The following PRKCZ variants were observed in gnomAD, a reference collection of about 807,000 sequenced individuals.
PRKCZ encodes the protein protein kinase C zeta type.
A neutral mutation model predicts 79.5 loss-of-function variants in PRKCZ; 33 were observed. The observed-to-expected ratio is 0.41, with a 90% CI of 0.31 to 0.55. PRKCZ has a LOEUF of 0.55. Among genes scored for constraint, PRKCZ ranks in the 20% least tolerant of loss-of-function variants. The pLI, the probability that PRKCZ is intolerant of heterozygous loss-of-function variation, is 0.19. For synonymous variants in PRKCZ, 342 were observed against 320.9 expected (o/e 1.07, Z -0.70); for missense variants, 578 against 813.5 (o/e 0.71, Z 3.52).
intron 1 of PRKCZ, among the ~76,000 whole-genome samples, chr1:2,054,795 T>C (rs1430894246): frequency 6.6e-6 from 1 of 152,096 alleles, no homozygotes; most frequent in African/African-American, 2.4e-5. Flanking sequence ...GTCACCCACA[T>C]TTGGGTGAAC....
intron 4 of PRKCZ, chr1:2,074,197 T>C: frequency 6.5e-7 from 1 of 1,550,294 alleles, no homozygotes; most frequent in Non-Finnish European, 8.7e-7. Flanking sequence ...GACAGATTTT[T>C]AGAAAAATAA....
At chr1:2,117,938 G>C (rs1671055601) in intron 4 of PRKCZ, among the ~76,000 whole-genome samples, 1 of 141,158 alleles carries the variant, frequency 7.1e-6, no homozygotes, top group Non-Finnish European at 1.5e-5. Context: ...GATTCAGTTT[G>C]CTATTATTTT....
At chr1:2,074,064 G>C in intron 4 of PRKCZ, 1 of 1,462,096 alleles carries the variant, frequency 6.8e-7, no homozygotes, top group Admixed American at 2.3e-5. Context: ...GCCGCTGCCT[G>C]TGCGCTGCAC....
In PRKCZ at chr1:2,179,273, G is replaced by C. The variant is rs907790370; in HGVS notation, c.1575+3960G>C. Among the ~76,000 whole-genome samples the C allele has an allele frequency of 3.9e-5, 6 of 152,246 alleles. No homozygotes were observed. The East Asian group carries it at 1.2e-3, about 29-fold the overall frequency. On this transcript the variant is annotated intron_variant, in intron 16 of 17. Coordinates refer to ENST00000378567, the MANE Select transcript of PRKCZ (RefSeq NM_002744.6). ...CTGTGGGAGCAAAGGCCGTGGGGAAGTTGCTGGGCCTGTCCCGGGTGAGCT... is the reference window on the plus strand; with the variant it reads ...CTGTGGGAGCAAAGGCCGTGGGGAACTTGCTGGGCCTGTCCCGGGTGAGCT...
At chr1:2,136,255 C>T (rs1215363553) in intron 5 of PRKCZ, among the ~76,000 whole-genome samples, 1 of 152,208 alleles carries the variant, frequency 6.6e-6, no homozygotes, top group Non-Finnish European at 1.5e-5. Flanking sequence ...CTCCTCCTGC[C>T]CCTGCGTGTG....
intron 4 of PRKCZ, among the ~76,000 whole-genome samples, chr1:2,081,134 A>G (rs1663426574): frequency 6.6e-6 from 1 of 152,228 alleles, no homozygotes; most frequent in Admixed American, 6.5e-5. Context: ...GTGAGGAGCT[A>G]CATACGTGAT....
At chr1:2,090,540 G>A (rs1270413162) in intron 4 of PRKCZ, among the ~76,000 whole-genome samples, 1 of 152,190 alleles carries the variant, frequency 6.6e-6, no homozygotes, top group African/African-American at 2.4e-5. Flanking sequence ...GGCCCCTAAA[G>A]TCTGCCCCGG....
At chr1:2,153,636 G>A (rs962471826) in intron 9 of PRKCZ, among the ~76,000 whole-genome samples, 4 of 152,226 alleles carry the variant, frequency 2.6e-5, no homozygotes, top group Admixed American at 1.3e-4. Context: ...GCTGGCCAGC[G>A]GCAGCACAGG....
chr1:2,052,592 A>C (rs900331833), intron 1 of PRKCZ, among the ~76,000 whole-genome samples: 4 of 150,376 alleles, frequency 2.7e-5, no homozygotes, highest in African/African-American at 9.8e-5. Context: ...CTCCCCTCCC[A>C]GGTCCTCCTC....
intron 4 of PRKCZ, among the ~76,000 whole-genome samples, chr1:2,086,850 A>C (rs1306645027): frequency 6.6e-6 from 1 of 152,206 alleles, no homozygotes; most frequent in Non-Finnish European, 1.5e-5. Context: ...ACACAGCTTC[A>C]GAGCCGCGGC....
chr1:2,169,310 C>T (rs1225891024), intron 10 of PRKCZ: 1 of 616,336 alleles, frequency 1.6e-6, no homozygotes, highest in Non-Finnish European at 3.1e-6. Flanking sequence ...CGCATGACTC[C>T]CTCACCTGCA....
rs915280249 is a variant in PRKCZ, at chr1:2,178,130, A to G, written c.1575+2817A>G. On this transcript the variant is annotated intron_variant, in intron 16 of 17. Coordinates refer to ENST00000378567, the MANE Select transcript of PRKCZ (RefSeq NM_002744.6). The surrounding 1 kb of genome is among the most constrained non-coding windows in gnomAD (Gnocchi z 4.3). ...GCCTGCAACTCAGTGGTTCTGAGCAATCCCAGAGTTACATGACGTCATCGC... is the reference window on the plus strand; with the variant it reads ...GCCTGCAACTCAGTGGTTCTGAGCAGTCCCAGAGTTACATGACGTCATCGC... Among the ~76,000 whole-genome samples the G allele has an allele frequency of 6.6e-6, 1 of 152,114 alleles. No homozygotes were observed. Among genetic ancestry groups the G allele is most frequent in the African/African-American group, 2.4e-5 (1 of 41,414 alleles).
In PRKCZ at chr1:2,165,584, T is replaced by C. The variant is rs1557718807; in HGVS notation, c.975-3934T>C. Among the ~76,000 whole-genome samples the C allele has an allele frequency of 6.6e-6, 1 of 152,228 alleles. No individual in the cohort carries two copies. The highest frequency in any genetic ancestry group is 1.5e-5 in the Non-Finnish European group (1 of 68,026). ...CTTAAAGGGTCAGGCAGTAAATATT[T>C]CCACCTTTGTGGGCCATGCGGCCTC... is the stretch of plus-strand genomic sequence containing the variant. On this transcript the variant is annotated intron_variant, in intron 10 of 17. Coordinates refer to ENST00000378567, the MANE Select transcript of PRKCZ (RefSeq NM_002744.6). This position sits in a 1 kb window ranked among gnomAD's most constrained non-coding sequence, Gnocchi z 4.1.
chr1:2,083,998 G>A (rs1310054831), intron 4 of PRKCZ, among the ~76,000 whole-genome samples: 5 of 152,120 alleles, frequency 3.3e-5, no homozygotes, highest in Admixed American at 6.5e-5. Flanking sequence ...TTGGGAGACC[G>A]AAGCGGGCAG....
chr1:2,068,435 C>G (rs1218142726), intron 4 of PRKCZ, among the ~76,000 whole-genome samples: 1 of 152,246 alleles, frequency 6.6e-6, no homozygotes, highest in Non-Finnish European at 1.5e-5. Flanking sequence ...TTGTAGACAT[C>G]ACTCCAGCCT....
rs1684992596 is a variant in PRKCZ at position 2,174,128 on chromosome 1, A to G, written c.1405+112A>G. On this transcript the variant is annotated intron_variant, in intron 14 of 17. Coordinates refer to ENST00000378567, the MANE Select transcript of PRKCZ (RefSeq NM_002744.6). This position sits in a 1 kb window ranked among gnomAD's most constrained non-coding sequence, Gnocchi z 6.2. ...GTGCCTGGAGCGGCAGTGCCATGCA[A>G]AGCGTACCGGGAACCATTCCTCCTG... 2.2e-6 allele frequency: 3 copies of G among 1,344,804 alleles called. No homozygotes were observed. The highest frequency in any genetic ancestry group is 3.0e-6 in the Non-Finnish European group (3 of 1,011,366). 83.3% of individuals were successfully genotyped at this position (1,344,804 alleles called of 1,614,324 possible).
chr1:2,110,298 G>T (rs1669461829), intron 4 of PRKCZ, among the ~76,000 whole-genome samples: 1 of 152,208 alleles, frequency 6.6e-6, no homozygotes, highest in African/African-American at 2.4e-5. Context: ...GAACGGCCAG[G>T]GCTGAATCTG....
intron 1 of PRKCZ, among the ~76,000 whole-genome samples, chr1:2,051,829 T>G (rs996128829): frequency 2.0e-5 from 3 of 152,156 alleles, no homozygotes; most frequent in Non-Finnish European, 2.9e-5. Context: ...CCCGGGTTTG[T>G]TGAGGAGGCT....
chr1:2,059,986 T>C (rs1660524353), intron 4 of PRKCZ, among the ~76,000 whole-genome samples: 1 of 152,152 alleles, frequency 6.6e-6, no homozygotes, highest in African/African-American at 2.4e-5. Flanking sequence ...GCTCCGTTCA[T>C]CCCACACTGG....
Sources: gnomAD v4.1 joint callset for allele counts (sites outside exome capture counted in the v4.1 genomes callset) on GRCh38, gnomAD v4.1.1 for gene constraint, Gnocchi (gnomAD v3.1) non-coding constraint, MANE v1.5 for transcripts, NCBI Gene and HGNC (gene_info 2026-07-23, HGNC 2026-07-21) for gene names.